The following SOX6 variants were observed in gnomAD, a reference collection of about 807,000 sequenced individuals.
The protein encoded by SOX6 is SRY-box transcription factor 6.
In SOX6, 11 loss-of-function variants were observed where a neutral mutation model predicts 97.8. The ratio of observed to expected loss-of-function variants is 0.11; its 90% confidence interval spans 0.07 to 0.19. The LOEUF (loss-of-function observed/expected upper bound fraction) is 0.19. Ranked by LOEUF, SOX6 falls within the 10% of genes least tolerant of loss-of-function variation. SOX6 has a pLI of 1.00. For missense variants in SOX6, 810 were observed against 1,039.5 expected (o/e 0.78, Z 3.04); for synonymous variants, 360 against 371.4 (o/e 0.97, Z 0.35).
chr11:16,342,090 A>G (rs1244866134), intron 1 of SOX6, among the ~76,000 whole-genome samples: 1 of 152,038 alleles, frequency 6.6e-6, no homozygotes, highest in South Asian at 2.1e-4. Context: ...CAAATACAAT[A>G]TTGAACATTC....
intron 5 of SOX6, among the ~76,000 whole-genome samples, chr11:16,186,301 A>G (rs1851473780): frequency 6.6e-6 from 1 of 152,168 alleles, no homozygotes; most frequent in South Asian, 2.1e-4. Flanking sequence ...AACAGGCATT[A>G]TACCAGGGCT....
At chr11:16,422,805 C>T (rs1590197204) in intron 1 of SOX6, among the ~76,000 whole-genome samples, 1 of 152,168 alleles carries the variant, frequency 6.6e-6, no homozygotes, top group South Asian at 2.1e-4. Flanking sequence ...GACATCTACT[C>T]AAAAAACCTT....
At chr11:16,136,344 G>GTTT (rs34244829) in intron 6 of SOX6, among the ~76,000 whole-genome samples, 12 of 129,254 alleles carry the variant, frequency 9.3e-5, no homozygotes, top group South Asian at 5.2e-4. Flanking sequence ...TGTGTGTGTG[G>GTTT]TTTTTTTTTT....
intron 3 of SOX6, among the ~76,000 whole-genome samples, chr11:16,259,081 T>C (rs1853790222): frequency 6.6e-6 from 1 of 151,792 alleles, no homozygotes; most frequent in African/African-American, 2.4e-5. Context: ...TAGAAATAAA[T>C]TTAAAACCTA....
intron 4 of SOX6, among the ~76,000 whole-genome samples, chr11:16,200,233 C>G (rs1170003678): frequency 1.3e-5 from 2 of 152,154 alleles, no homozygotes. Context: ...TCAGGTTTCT[C>G]AGTTCTTAAA....
intron 4 of SOX6, among the ~76,000 whole-genome samples, chr11:16,488,362 A>G (rs1478587027): frequency 6.6e-6 from 1 of 152,006 alleles, no homozygotes; most frequent in Non-Finnish European, 1.5e-5. Flanking sequence ...ACTTTCTAAA[A>G]TAAAAAAAAA....
At chr11:16,328,122 T>C (rs1856157853) in intron 2 of SOX6, among the ~76,000 whole-genome samples, 1 of 152,142 alleles carries the variant, frequency 6.6e-6, no homozygotes, top group Admixed American at 6.6e-5. Context: ...AGATTTGCCC[T>C]GGTTTCGGAC....
intron 3 of SOX6, among the ~76,000 whole-genome samples, chr11:16,308,579 G>T (rs1855507677): frequency 1.3e-5 from 2 of 152,262 alleles, no homozygotes; most frequent in African/African-American, 4.8e-5. Flanking sequence ...TGTTTGGCCA[G>T]AAAAATGTCT....
intron 1 of SOX6, among the ~76,000 whole-genome samples, chr11:16,376,932 G>A (rs1565120669): frequency 1.3e-5 from 2 of 149,628 alleles, no homozygotes; most frequent in Admixed American, 6.7e-5. Context: ...AGAAGAGAAG[G>A]AAAAAGAAAA....
Position 15,980,657 on chromosome 11 carries a change from C to A in SOX6, c.2183+5547G>T, listed in dbSNP as rs1001038209. Among the ~76,000 whole-genome samples, 220 of 152,042 alleles carry A rather than the reference C, an allele frequency of 1.4e-3. 8 individuals carry two copies. Among genetic ancestry groups the A allele is most frequent in the Non-Finnish European group, 7.1e-4 (48 of 67,906 alleles). ...TTACTATTGAATATATCCACATTTT[C>A]CCCCAGGTGTTCATGCTCTCCTCTA... On this transcript the variant is annotated intron_variant, in intron 15 of 15. Transcript: ENST00000683767.
chr11:16,196,562 T>C (rs1851778072), intron 4 of SOX6, among the ~76,000 whole-genome samples: 1 of 152,208 alleles, frequency 6.6e-6, no homozygotes, highest in African/African-American at 2.4e-5. Flanking sequence ...CAGCGACTAG[T>C]ACAATGTCCT....
chr11:16,132,406 A>G (rs1209898452), intron 6 of SOX6, among the ~76,000 whole-genome samples: 2 of 51,426 alleles, frequency 3.9e-5, no homozygotes, highest in African/African-American at 1.6e-4. Flanking sequence ...AAGAAAAAAG[A>G]AAGAAAGAAA....
chr11:16,414,895 A>G (rs2133059522), intron 1 of SOX6, among the ~76,000 whole-genome samples: 1 of 152,282 alleles, frequency 6.6e-6, no homozygotes, highest in Admixed American at 6.5e-5. Flanking sequence ...AATATAAGCT[A>G]TTTTGTAATA....
At chr11:16,659,482 T>C (rs1847749410) in intron 3 of SOX6, among the ~76,000 whole-genome samples, 1 of 147,372 alleles carries the variant, frequency 6.8e-6, no homozygotes, top group African/African-American at 2.4e-5. Flanking sequence ...AACTCTCTTA[T>C]TCTCCTTCAA....
rs574469240 is a variant in SOX6, at chr11:16,053,536, T to C, written c.1251+2216A>G. 5.3e-5 allele frequency among the ~76,000 whole-genome samples: 8 copies of C among 152,234 alleles called. No individual in the cohort carries two copies. The South Asian group carries it at 1.7e-3, about 32-fold the overall frequency. On this transcript the variant is annotated intron_variant, in intron 10 of 15. Transcript: ENST00000683767. ...TACTAGAGGGTGTATTTAAGACCTA[T>C]AATAATATTAACTCCAGTTTTTTTC...
intron 3 of SOX6, among the ~76,000 whole-genome samples, chr11:16,670,300 C>A (rs1227517177): frequency 6.6e-6 from 1 of 152,048 alleles, no homozygotes; most frequent in Non-Finnish European, 1.5e-5. Flanking sequence ...GGAGAAGAGA[C>A]CAATCTCTCC....
intron 6 of SOX6, among the ~76,000 whole-genome samples, chr11:16,167,261 CCTT>C (rs1850910926): frequency 6.6e-6 from 1 of 152,072 alleles, no homozygotes; most frequent in African/African-American, 2.4e-5. Context: ...AGGTCAAAAT[CCTT>C]GACTTTCCTC....
intron 3 of SOX6, among the ~76,000 whole-genome samples, chr11:16,648,934 C>T (rs1376389782): frequency 6.6e-6 from 1 of 151,970 alleles, no homozygotes; most frequent in Non-Finnish European, 1.5e-5. Flanking sequence ...ATAATCACAA[C>T]TTCTGGAAAT....
chr11:16,615,593 A>C (rs1239038046), intron 3 of SOX6, among the ~76,000 whole-genome samples: 3 of 152,168 alleles, frequency 2.0e-5, no homozygotes, highest in African/African-American at 7.2e-5. Flanking sequence ...TGAATGGCAA[A>C]ATATAAGGAA....
Sources: allele counts gnomAD v4.1 joint callset (sites outside exome capture counted in the v4.1 genomes callset), GRCh38; gene constraint gnomAD v4.1.1; transcripts MANE v1.5; gene names NCBI Gene and HGNC (gene_info 2026-07-23, HGNC 2026-07-21).